The following NR3C1 variants were observed in gnomAD, a reference collection of about 807,000 sequenced individuals.
NR3C1 encodes glucocorticoid receptor.
In NR3C1, 14 loss-of-function variants were observed where a neutral mutation model predicts 74.0. The observed-to-expected ratio is 0.19, with a 90% CI of 0.12 to 0.30. The LOEUF (loss-of-function observed/expected upper bound fraction) is 0.30, where lower values mean the gene tolerates loss of function less well. Ranked by LOEUF, NR3C1 falls within the 10% of genes least tolerant of loss-of-function variation. The pLI, the probability that NR3C1 is intolerant of heterozygous loss-of-function variation, is 1.00. For synonymous variants in NR3C1, 308 were observed against 332.5 expected, an observed-to-expected ratio of 0.93 and a Z score of 0.80; for missense variants, 695 against 909.8, an observed-to-expected ratio of 0.76 and a Z score of 3.04.
chr5:143,332,775 A>G (rs1826262965), intron 2 of NR3C1: 2 of 1,583,194 alleles, frequency 1.3e-6, no homozygotes, highest in Non-Finnish European at 8.6e-7. Context: ...TGTTGTACGC[A>G]TCGAAAGGAT....
At chr5:143,286,814 T>A (rs1490977596) in intron 7 of NR3C1, among the ~76,000 whole-genome samples, 1 of 152,036 alleles carries the variant, frequency 6.6e-6, no homozygotes, top group East Asian at 1.9e-4. Flanking sequence ...TAAGTTTTTT[T>A]TCAAGCACTC....
chr5:143,305,828 G>A (rs551513305), intron 4 of NR3C1, among the ~76,000 whole-genome samples: 53 of 152,056 alleles, frequency 3.5e-4, no homozygotes, highest in Non-Finnish European at 5.7e-4. Context: ...TCCAAACACC[G>A]GCATCACACA....
intron 2 of NR3C1, among the ~76,000 whole-genome samples, chr5:143,368,332 T>G (rs1309009029): frequency 1.3e-5 from 2 of 152,144 alleles, no homozygotes; most frequent in Admixed American, 6.6e-5. Flanking sequence ...ATCAGGCAAC[T>G]TTTTAAAGAT....
chr5:143,303,969 CA>C (rs922443387), intron 4 of NR3C1, among the ~76,000 whole-genome samples: 18 of 151,982 alleles, frequency 1.2e-4, no homozygotes, highest in African/African-American at 4.3e-4. Context: ...AACATCATAC[CA>C]AATGGGCAAA....
chr5:143,333,769 AAAACAAACAAAC>A (rs374779843), intron 2 of NR3C1, among the ~76,000 whole-genome samples: 6 of 152,196 alleles, frequency 3.9e-5, no homozygotes, highest in Admixed American at 1.3e-4. Context: ...TCCATCTCAA[AAAACAAACAAAC>A]AAACAAACAA....
At chr5:143,313,066 CAAAT>C (rs1322525667) in intron 3 of NR3C1, among the ~76,000 whole-genome samples, 11 of 152,176 alleles carry the variant, frequency 7.2e-5, no homozygotes, top group Non-Finnish European at 1.6e-4. Context: ...CAACATGAGA[CAAAT>C]AATAATAATC....
Position 143,308,680 on chromosome 5 carries a change from C to T in NR3C1, c.1468+1417G>A, listed in dbSNP as rs576280919. ...CTTATAGATTTAAAATTCAATGTTA[C>T]TTCTTCCTTGACTTCCAAGACAGAA... is the stretch of plus-strand genomic sequence containing the variant. On this transcript the variant is annotated intron_variant, in intron 4 of 8. Transcript: ENST00000394464. Among the ~76,000 whole-genome samples the T allele has an allele frequency of 1.1e-4, 17 of 152,274 alleles. No homozygotes were observed. In the South Asian group the frequency reaches 1.9e-3, roughly 17 times the overall value.
intron 4 of NR3C1, among the ~76,000 whole-genome samples, chr5:143,302,738 A>G (rs1211067621): frequency 6.6e-6 from 1 of 152,148 alleles, no homozygotes; most frequent in African/African-American, 2.4e-5. Flanking sequence ...GACTAGAGCA[A>G]GAAATAATAC....
intron 1 of NR3C1, among the ~76,000 whole-genome samples, chr5:143,425,749 A>G (rs1389623646): frequency 6.6e-6 from 1 of 152,210 alleles, no homozygotes; most frequent in Non-Finnish European, 1.5e-5. Context: ...ATGTGGAGAA[A>G]GTGGAACTCT....
Position 143,300,800 on chromosome 5 carries a change from T to C in NR3C1, c.1469-37A>G, listed in dbSNP as rs1471118009. The C allele has an allele frequency of 1.9e-6, 3 of 1,588,082 alleles. No homozygotes were observed. The highest frequency in any genetic ancestry group is 2.6e-6 in the Non-Finnish European group (3 of 1,158,338). ...TAAACAAATACATAGAAATGAACTG[T>C]AATGGGAAGGTCTGCGCTACACAGT... On this transcript the variant is annotated intron_variant, in intron 4 of 8. Transcript: ENST00000394464. The surrounding 1 kb of genome is among the most constrained non-coding windows in gnomAD (Gnocchi z 5.2).
At chr5:143,379,359 A>G (rs1256271230) in intron 2 of NR3C1, among the ~76,000 whole-genome samples, 1 of 152,216 alleles carries the variant, frequency 6.6e-6, no homozygotes, top group Non-Finnish European at 1.5e-5. Flanking sequence ...GATTGCAGAA[A>G]TAAGTGATGG....
chr5:143,399,796 C>T lies in NR3C1; in HGVS notation c.1044G>A (p.Lys348=). 3 of 1,614,208 alleles carry T rather than the reference C, an allele frequency of 1.9e-6. No homozygotes were observed. The highest frequency in any genetic ancestry group is 2.5e-6 in the Non-Finnish European group (3 of 1,180,022). Residue 348 remains lysine, a synonymous_variant, in exon 2 of 9, where the codon AAG becomes AAA. Transcript: ENST00000394464. ...TTGGTGGAATGACATTAAAAATAGG[C>T]TTCTGATCCTGCTGTTGAGAAAGGG... ...TASLSQQQDQ[K]PIFNVIPPIP...
At chr5:143,292,584 T>C (rs1232068772) in intron 7 of NR3C1, among the ~76,000 whole-genome samples, 1 of 152,166 alleles carries the variant, frequency 6.6e-6, no homozygotes, top group African/African-American at 2.4e-5. Flanking sequence ...TTCTTGCATC[T>C]TCACCATAAG....
Position 143,400,711 on chromosome 5 carries a change from C to A in NR3C1, c.129G>T (p.Ala43=), listed in dbSNP as rs776976677. Residue 43 remains alanine, a synonymous_variant, in exon 2 of 9, where the codon GCG becomes GCT. Coordinates refer to ENST00000394464, the MANE Select transcript of NR3C1 (RefSeq NM_000176.3). ...AAGCGACAGCCAGTGAGGGTGAAGA[C>A]GCAGAAACCTTCACAGTAGCTCCTC... ...LRGGATVKVS[A]SSPSLAVASQ... is the part of the protein sequence containing the mutation. The A allele has an allele frequency of 1.1e-5, 18 of 1,614,064 alleles. No individual in the cohort carries two copies. The highest frequency in any genetic ancestry group is 1.5e-5 in the Non-Finnish European group (18 of 1,180,036).
At chr5:143,345,598 C>A (rs899326423) in intron 2 of NR3C1, among the ~76,000 whole-genome samples, 1 of 152,182 alleles carries the variant, frequency 6.6e-6, no homozygotes, top group African/African-American at 2.4e-5. Context: ...AAATGCTCAG[C>A]AAGCCTGCCC....
rs967705315 is a variant in NR3C1, at chr5:143,400,722, T to G, written c.118A>C (p.Lys40Gln). 6.2e-7 allele frequency: 1 copy of G among 1,614,220 alleles called. No homozygotes were observed. The highest frequency in any genetic ancestry group is 1.3e-5 in the African/African-American group (1 of 75,048). Residue 40 changes from lysine to glutamine, a missense_variant, in exon 2 of 9, where the codon AAG becomes CAG. Physicochemically the swap from Lys to Gln is moderately conservative, Grantham distance 53 (BLOSUM62 1). Coordinates refer to ENST00000394464, the MANE Select transcript of NR3C1 (RefSeq NM_000176.3). ...AGTGAGGGTGAAGACGCAGAAACCT[T>G]CACAGTAGCTCCTCCTCTTAGGGTT... ...YKTLRGGATVKVSASSPSLAV... is the reference protein window; with the variant it reads ...YKTLRGGATVQVSASSPSLAV...
At chr5:143,323,984 G>C (rs569017364) in intron 2 of NR3C1, among the ~76,000 whole-genome samples, 3 of 152,308 alleles carry the variant, frequency 2.0e-5, no homozygotes, top group African/African-American at 7.2e-5. Context: ...CCATGGTCTT[G>C]GGCAGCTCCG....
upstream of NR3C1, chr5:143,404,345 G>A: frequency 1.0e-6 from 1 of 985,504 alleles, no homozygotes; most frequent in Non-Finnish European, 1.2e-6. Context: ...TCAGGGAAGG[G>A]ACGGGATAGC....
rs568266486 is a variant in NR3C1 at position 143,334,726 on chromosome 5, A to G, written c.1185-20558T>C. Among the ~76,000 whole-genome samples, 3 of 95,646 alleles carry G rather than the reference A, an allele frequency of 3.1e-5. No homozygotes were observed. In the Admixed American group the frequency reaches 3.2e-4, roughly 10 times the overall value. 62.7% of individuals were successfully genotyped at this position (95,646 alleles called of 152,430 possible). The stretch of plus-strand genomic sequence containing the variant: ...TAAATGTTCACTTGTCTCTGCTGTG[A>G]AAAAAAAAAAAAAGAATTAAGAGTA... On this transcript the variant is annotated intron_variant, in intron 2 of 8. Coordinates refer to ENST00000394464, the MANE Select transcript of NR3C1 (RefSeq NM_000176.3).
Sources: gnomAD v4.1 joint callset for allele counts (sites outside exome capture counted in the v4.1 genomes callset) on GRCh38, gnomAD v4.1.1 for gene constraint, Gnocchi (gnomAD v3.1) non-coding constraint, MANE v1.5 for transcripts, NCBI Gene and HGNC (gene_info 2026-07-23, HGNC 2026-07-21) for gene names.